CFAP47: variants seen among roughly 807,000 people sequenced by gnomAD.
CFAP47 encodes the protein cilia and flagella associated protein 47, also known as cilia- and flagella-associated protein 47.
Under a neutral mutation model 148.1 loss-of-function variants are expected in CFAP47, and 29 were observed. That is an observed-to-expected ratio of 0.20 (90% CI 0.15 to 0.27). The LOEUF is 0.27. Ranked by LOEUF, CFAP47 falls within the 10% of genes least tolerant of loss-of-function variation. The probability of loss-of-function intolerance (pLI) is 1.00; values close to 1 mark genes in which losing one functional copy is unlikely to be tolerated. For synonymous variants in CFAP47, 664 were observed against 577.3 expected (o/e 1.15, Z -2.15); for missense variants, 1,872 against 1,697.5 (o/e 1.10, Z -1.81).
At chrX:36,016,975 A>C (rs1272730097) in intron 22 of CFAP47, among the ~76,000 whole-genome samples, 1 of 110,713 alleles carries the variant, frequency 9.0e-6, no homozygotes, top group Non-Finnish European at 1.9e-5. Context: ...TTTTCTTCTG[A>C]GAAATGTCTA....
intron 49 of CFAP47, among the ~76,000 whole-genome samples, chrX:36,255,389 A>G (rs1555998846): frequency 8.9e-6 from 1 of 112,478 alleles, no homozygotes; most frequent in African/African-American, 3.2e-5. Context: ...GCGAAGGCCC[A>G]CTGAAGGCTT....
intron 45 of CFAP47, among the ~76,000 whole-genome samples, chrX:36,215,727 A>G (rs1555990108): frequency 8.9e-6 from 1 of 111,763 alleles, no homozygotes; most frequent in Admixed American, 9.5e-5. Flanking sequence ...AAGGTTACAT[A>G]GCTTGTAATA....
rs994271917 is a variant in CFAP47 at position 36,185,885 on chromosome X, A to T, written c.6105-2735A>T. ...ACACTAATTCTATTGGATCAAGGCC[A>T]TTGTGATCTCAGTAAAGCTTAATTA... On this transcript the variant is annotated intron_variant, in intron 40 of 63. Coordinates refer to ENST00000378653, the MANE Select transcript of CFAP47 (RefSeq NM_001304548.2). Among the ~76,000 whole-genome samples, 7 of 111,695 alleles carry T rather than the reference A, an allele frequency of 6.3e-5. No homozygotes were observed. The East Asian group carries it at 2.0e-3, about 32-fold the overall frequency.
chrX:36,053,249 A>T (rs1415974559), intron 26 of CFAP47, among the ~76,000 whole-genome samples: 2 of 111,798 alleles, frequency 1.8e-5, no homozygotes, highest in East Asian at 2.8e-4. Context: ...AGCTCTCCTT[A>T]TGGATTAAGA....
At chrX:36,276,604 A>G (rs959800528) in intron 49 of CFAP47, among the ~76,000 whole-genome samples, 4 of 111,960 alleles carry the variant, frequency 3.6e-5, no homozygotes, top group African/African-American at 1.3e-4. Flanking sequence ...AGATTTGCTT[A>G]GGTCAGTGTC....
intron 2 of CFAP47, among the ~76,000 whole-genome samples, chrX:35,939,089 A>G (rs73629576): frequency 0.06 from 6,621 of 110,515 alleles, 542 homozygotes; most frequent in African/African-American, 0.21. Flanking sequence ...ATATGCATAG[A>G]CCTCTTTGTT....
At chrX:36,307,207 A>T (rs73460149) in intron 55 of CFAP47, among the ~76,000 whole-genome samples, 199 of 111,759 alleles carry the variant, frequency 1.8e-3, no homozygotes, top group African/African-American at 6.3e-3. Flanking sequence ...AAACTTAAAT[A>T]TAAAATATAG....
chrX:36,068,554 A>G lies in CFAP47; in HGVS notation c.4318+2811A>G, dbSNP rs764165164. Among the ~76,000 whole-genome samples the G allele has an allele frequency of 2.2e-4, 25 of 112,548 alleles. No homozygotes were observed. The South Asian group carries it at 8.8e-3, about 40-fold the overall frequency. On this transcript the variant is annotated intron_variant, in intron 27 of 63. Transcript: ENST00000378653. ...TGTGAAATAGCATATTCTGAACACC[A>G]AAAAATTATTTTAAAGCAATTTATG...
At chrX:36,070,503 T>G in intron 27 of CFAP47, among the ~76,000 whole-genome samples, 1 of 103,892 alleles carries the variant, frequency 9.6e-6, no homozygotes, top group South Asian at 4.2e-4. Flanking sequence ...TTCCTTTTTT[T>G]TTTTTTTTTT....
At chrX:36,176,603 C>A (rs931779142) in intron 39 of CFAP47, among the ~76,000 whole-genome samples, 2 of 112,120 alleles carry the variant, frequency 1.8e-5, no homozygotes, top group African/African-American at 6.5e-5. Flanking sequence ...CAGCAGGTTT[C>A]AAAGTTTAAT....
chrX:36,066,385 A>G (rs1039667525), intron 27 of CFAP47, among the ~76,000 whole-genome samples: 8 of 111,343 alleles, frequency 7.2e-5, no homozygotes, highest in Non-Finnish European at 1.5e-4. Context: ...TTCTTCAAAT[A>G]TTTACAACTC....
intron 45 of CFAP47, among the ~76,000 whole-genome samples, chrX:36,207,145 G>A (rs1940047725): frequency 8.9e-6 from 1 of 112,107 alleles, no homozygotes; most frequent in Non-Finnish European, 1.9e-5. Context: ...GGAATGGGAT[G>A]CAAGCATTGT....
chrX:36,059,315 A>G (rs1439387020), intron 26 of CFAP47, among the ~76,000 whole-genome samples: 1 of 111,819 alleles, frequency 8.9e-6, no homozygotes, highest in African/African-American at 3.2e-5. Flanking sequence ...AATGAAAATA[A>G]CAATGATCTT....
intron 26 of CFAP47, among the ~76,000 whole-genome samples, chrX:36,047,311 C>T (rs1278023597): frequency 9.0e-6 from 1 of 111,649 alleles, no homozygotes; most frequent in East Asian, 2.8e-4. Context: ...ACTTCTGAGA[C>T]TCTCAGTTTC....
chrX:36,366,089 A>T (rs1396133355), intron 61 of CFAP47, among the ~76,000 whole-genome samples: 1 of 111,675 alleles, frequency 9.0e-6, no homozygotes, highest in Non-Finnish European at 1.9e-5. Context: ...ATTTGTTAAG[A>T]TACTATCCAG....
rs143464709 is a variant in CFAP47, at chrX:35,969,801, A to T, written c.1815-967A>T. On this transcript the variant is annotated intron_variant, in intron 10 of 63. Coordinates refer to ENST00000378653, the MANE Select transcript of CFAP47 (RefSeq NM_001304548.2). ...TCTTGTTTTTTCACTCTCTTAAAGAAATTAACACAGTTAAAGCTGTATTAC... is the reference window on the plus strand; with the variant it reads ...TCTTGTTTTTTCACTCTCTTAAAGATATTAACACAGTTAAAGCTGTATTAC... Among the ~76,000 whole-genome samples the T allele has an allele frequency of 5.7e-3, 643 of 112,478 alleles. 7 individuals carry two copies. The highest frequency in any genetic ancestry group is 0.02 in the African/African-American group (616 of 31,061).
intron 30 of CFAP47, among the ~76,000 whole-genome samples, chrX:36,089,979 C>T (rs1253407216): frequency 1.8e-5 from 2 of 111,815 alleles, no homozygotes. Context: ...ATAGTAACCA[C>T]TAGTGACATA....
At chrX:36,301,568 G>T (rs888495328) in intron 53 of CFAP47, among the ~76,000 whole-genome samples, 6 of 110,443 alleles carry the variant, frequency 5.4e-5, no homozygotes, top group African/African-American at 2.0e-4. Context: ...GACAAGCAAG[G>T]GAAAATGGCC....
At chrX:35,922,621 A>C (rs1935595202) in intron 1 of CFAP47, among the ~76,000 whole-genome samples, 1 of 112,751 alleles carries the variant, frequency 8.9e-6, no homozygotes, top group African/African-American at 3.2e-5. Flanking sequence ...TCTGTTCTAT[A>C]AATTGCACGA....
Sources: gnomAD v4.1 joint callset for allele counts (sites outside exome capture counted in the v4.1 genomes callset) on GRCh38, gnomAD v4.1.1 for gene constraint, MANE v1.5 for transcripts, NCBI Gene and HGNC (gene_info 2026-07-23, HGNC 2026-07-21) for gene names.